TADA1: variants seen among roughly 807,000 people sequenced by gnomAD.
The protein encoded by TADA1 is transcriptional adaptor 1.
Under a neutral mutation model 39.3 loss-of-function variants are expected in TADA1, and 23 were observed. That is an observed-to-expected ratio of 0.58 (90% CI 0.42 to 0.83). The LOEUF (loss-of-function observed/expected upper bound fraction) is 0.83. TADA1 is among the 40% of genes least tolerant of loss of function. The pLI, the probability that TADA1 is intolerant of heterozygous loss-of-function variation, is 0.00. For missense variants in TADA1, 352 were observed against 408.1 expected, an observed-to-expected ratio of 0.86 and a Z score of 1.18; for synonymous variants, 137 against 151.8, an observed-to-expected ratio of 0.90 and a Z score of 0.72.
intron 3 of TADA1, 85 bp downstream of exon 3, chr1:166,869,360 C>T: frequency 1.8e-6 from 2 of 1,113,822 alleles, no homozygotes; most frequent in Non-Finnish European, 2.6e-6. Context: ...ATCTGCTTTA[C>T]AAACACTAGC....
At chr1:166,862,728 C>CCTG in intron 4 of TADA1, 2 of 366,490 alleles carry the variant, frequency 5.5e-6, no homozygotes, top group South Asian at 6.1e-5. Context: ...AAGTATTGAA[C>CCTG]TATATTCAAA....
rs1658290379 is a variant in TADA1 at position 166,856,887 on chromosome 1, C to A, written c.*680G>T. 1 of 152,314 alleles carries A rather than the reference C, an allele frequency of 6.6e-6. No homozygotes were observed. The highest frequency in any genetic ancestry group is 6.5e-5 in the Admixed American group (1 of 15,272). 9.4% of individuals were successfully genotyped at this position (152,314 alleles called of 1,614,324 possible). A position where few individuals can be genotyped will look rare whatever the true frequency, so the allele number is the denominator to read the frequency against. On this transcript the variant is annotated 3_prime_UTR_variant, in exon 8 of 8. Coordinates refer to ENST00000367874, the MANE Select transcript of TADA1 (RefSeq NM_053053.4). ...AAGTTTTTGGGCATATTTAACAAAA[C>A]TTGAGTCATGGGAAGACATAAAGTT...
chr1:166,874,042 G>A (rs371159276), intron 1 of TADA1, among the ~76,000 whole-genome samples: 3 of 151,496 alleles, frequency 2.0e-5, no homozygotes, highest in East Asian at 3.9e-4. Context: ...CCCCTTATGT[G>A]CTTAAAAATG....
intron 5 of TADA1, among the ~76,000 whole-genome samples, chr1:166,860,732 C>T (rs1040651112): frequency 2.0e-5 from 3 of 152,180 alleles, no homozygotes; most frequent in South Asian, 2.1e-4. Context: ...TGCAATAGCA[C>T]GATCTCAGCT....
intron 1 of TADA1, among the ~76,000 whole-genome samples, chr1:166,870,645 T>C (rs1658637531): frequency 6.6e-6 from 1 of 152,144 alleles, no homozygotes; most frequent in South Asian, 2.1e-4. Flanking sequence ...CTGGGCAACA[T>C]GGCAGGACCT....
chr1:166,873,649 G>A (rs1658703160), intron 1 of TADA1, among the ~76,000 whole-genome samples: 1 of 152,086 alleles, frequency 6.6e-6, no homozygotes, highest in African/African-American at 2.4e-5. Context: ...TAAGGAGAAG[G>A]GAAAAGAACA....
At chr1:166,858,647 A>G (rs1658338357) in intron 6 of TADA1, among the ~76,000 whole-genome samples, 1 of 152,240 alleles carries the variant, frequency 6.6e-6, no homozygotes, top group South Asian at 2.1e-4. Context: ...AGAAAAGAAG[A>G]CATAGCACAG....
chr1:166,871,354 G>T (rs955928569), intron 1 of TADA1, among the ~76,000 whole-genome samples: 6 of 151,824 alleles, frequency 4.0e-5, no homozygotes, highest in Admixed American at 3.3e-4. Flanking sequence ...GTTCCTAACA[G>T]GAAAAAAAAA....
rs1658763821 is a variant in TADA1, at chr1:166,876,126, G to T, written c.74+34C>A. On this transcript the variant is annotated intron_variant, in intron 1 of 7. Transcript: ENST00000367874. ...CCCGAGGCCAGGAGAGCACCCGCGT[G>T]TTGGCCTGGACGCTGTGCTAGGGCA... 1.9e-6 allele frequency: 3 copies of T among 1,590,472 alleles called. No individual in the cohort carries two copies. In the Admixed American group the frequency reaches 5.2e-5, roughly 28 times the overall value.
At chr1:166,871,835 AAAAAAAATAAAAT>A (rs1278166301) in intron 1 of TADA1, among the ~76,000 whole-genome samples, 11 of 152,044 alleles carry the variant, frequency 7.2e-5, no homozygotes, top group Admixed American at 6.6e-4. Context: ...CAACAACAAC[AAAAAAAATAAAAT>A]AAAAAAATAG....
chr1:166,866,514 A>G (rs74894476), intron 3 of TADA1, among the ~76,000 whole-genome samples: 2,843 of 152,296 alleles, frequency 0.019, 42 homozygotes, highest in Non-Finnish European at 0.025. Context: ...ACAAACAACT[A>G]TATTTTACTT....
At chr1:166,861,410 T>C (rs906699835) in intron 5 of TADA1, among the ~76,000 whole-genome samples, 3 of 152,174 alleles carry the variant, frequency 2.0e-5, no homozygotes, top group Non-Finnish European at 4.4e-5. Context: ...GCTCAGAGAA[T>C]TGAAAATCCA....
intron 4 of TADA1, 112 bp downstream of exon 4, chr1:166,863,711 CT>C: frequency 5.1e-6 from 5 of 984,402 alleles, no homozygotes; most frequent in Admixed American, 2.4e-5. Flanking sequence ...AATCATACTC[CT>C]TTTTTTCAAC....
At chr1:166,866,414 G>C (rs1658536657) in intron 3 of TADA1, among the ~76,000 whole-genome samples, 2 of 152,118 alleles carry the variant, frequency 1.3e-5, no homozygotes, top group Admixed American at 6.6e-5. Flanking sequence ...AAAGTGTCTA[G>C]TATGCTATAC....
chr1:166,864,831 T>C (rs1012946916), intron 3 of TADA1, among the ~76,000 whole-genome samples: 1 of 152,140 alleles, frequency 6.6e-6, no homozygotes, highest in East Asian at 1.9e-4. Context: ...GAATAAGGAC[T>C]CTTCTCTAGT....
chr1:166,867,594 T>C (rs1395799021), intron 3 of TADA1, among the ~76,000 whole-genome samples: 1 of 152,010 alleles, frequency 6.6e-6, no homozygotes, highest in East Asian at 1.9e-4. Flanking sequence ...AATTTTTTTT[T>C]TTTTTTTTTA....
At chr1:166,866,331 T>G (rs1658535024) in intron 3 of TADA1, among the ~76,000 whole-genome samples, 1 of 152,242 alleles carries the variant, frequency 6.6e-6, no homozygotes, top group Non-Finnish European at 1.5e-5. Context: ...CTCTTAATTT[T>G]GTTTCCTTAT....
intron 4 of TADA1, 26 bp downstream of exon 4, chr1:166,863,798 T>C: frequency 2.5e-6 from 4 of 1,603,622 alleles, no homozygotes; most frequent in Non-Finnish European, 3.4e-6. Flanking sequence ...TCAGTCATTA[T>C]CAAGACCTAT....
chr1:166,869,776 G>C lies in TADA1; in HGVS notation c.153C>G (p.Leu51=). The C allele has an allele frequency of 6.2e-7, 1 of 1,613,072 alleles. No individual in the cohort carries two copies. Among genetic ancestry groups the C allele is most frequent in the African/African-American group, 1.3e-5 (1 of 74,930 alleles). ...TAATTATTTTACCATTATCCTGTGTGAGAAGTCTATGAGCTTCAAGGTCAA... is the reference window on the plus strand; with the variant it reads ...TAATTATTTTACCATTATCCTGTGTCAGAAGTCTATGAGCTTCAAGGTCAA... The part of the protein sequence containing the change: ...EEFDLEAHRL[L]TQDNVHSHND... The change falls in exon 2 of 8, where the codon CTC becomes CTG. Residue 51 remains leucine (L), a synonymous_variant. Coordinates refer to ENST00000367874, the MANE Select transcript of TADA1 (RefSeq NM_053053.4).
Sources: allele counts gnomAD v4.1 joint callset (sites outside exome capture counted in the v4.1 genomes callset), GRCh38; gene constraint gnomAD v4.1.1; transcripts MANE v1.5; gene names NCBI Gene and HGNC (gene_info 2026-07-23, HGNC 2026-07-21).